The following SRRM3 variants were observed in gnomAD, a reference collection of about 807,000 sequenced individuals.
SRRM3 encodes serine/arginine repetitive matrix 3, also known as serine/arginine repetitive matrix protein 3.
Under a neutral mutation model 66.2 loss-of-function variants are expected in SRRM3, and 27 were observed. That is an observed-to-expected ratio of 0.41 (90% CI 0.30 to 0.56). The LOEUF is 0.56. Ranked by LOEUF, SRRM3 falls within the 20% of genes least tolerant of loss-of-function variation. SRRM3 has a pLI of 0.32. For missense variants in SRRM3, 918 were observed against 991.9 expected, an observed-to-expected ratio of 0.93 and a Z score of 1.00; for synonymous variants, 391 against 414.9, an observed-to-expected ratio of 0.94 and a Z score of 0.70.
chr7:76,239,378 T>C (rs782342898), intron 2 of SRRM3, among the ~76,000 whole-genome samples: 2 of 152,066 alleles, frequency 1.3e-5, no homozygotes, highest in African/African-American at 2.4e-5. Flanking sequence ...CCTGTTCTGT[T>C]TGCTCATCTA....
chr7:76,280,993 C>T (rs1252216445), intron 11 of SRRM3, among the ~76,000 whole-genome samples: 1 of 139,538 alleles, frequency 7.2e-6, no homozygotes, highest in African/African-American at 2.7e-5. Context: ...CCCCTTCTCT[C>T]TTGCCCCCTT....
At chr7:76,263,734 G>A (rs68133851) in intron 8 of SRRM3, among the ~76,000 whole-genome samples, 37,496 of 151,696 alleles carry the variant, frequency 0.25, 4,960 homozygotes, top group East Asian at 0.45. Context: ...ATAGCCAGAC[G>A]TGGTGGCAGG....
chr7:76,281,107 GCT>G (rs1554611798), intron 11 of SRRM3, among the ~76,000 whole-genome samples: 3 of 144,250 alleles, frequency 2.1e-5, no homozygotes, highest in South Asian at 2.2e-4. Flanking sequence ...TCTCTCTCCT[GCT>G]CTTTTTCTCT....
At chr7:76,264,129 A>G (rs1801951333) in intron 8 of SRRM3, among the ~76,000 whole-genome samples, 1 of 147,482 alleles carries the variant, frequency 6.8e-6, no homozygotes, top group Non-Finnish European at 1.5e-5. Context: ...CTAAGGCTTG[A>G]GGCTGCCACA....
intron 1 of SRRM3, among the ~76,000 whole-genome samples, chr7:76,212,197 GT>G (rs1366536433): frequency 2.5e-5 from 3 of 120,150 alleles, no homozygotes; most frequent in Non-Finnish European, 4.9e-5. Context: ...GTCTCAAACT[GT>G]TACTCGGGTT....
intron 2 of SRRM3, among the ~76,000 whole-genome samples, chr7:76,244,260 C>T (rs1801381790): frequency 6.6e-6 from 1 of 152,182 alleles, no homozygotes; most frequent in South Asian, 2.1e-4. Flanking sequence ...CACAGTGGAA[C>T]ATGCCTGTAA....
At chr7:76,233,415 G>A (rs920067249) in intron 1 of SRRM3, among the ~76,000 whole-genome samples, 2 of 152,180 alleles carry the variant, frequency 1.3e-5, no homozygotes, top group African/African-American at 4.8e-5. Context: ...CATGTCCCTG[G>A]CTCAGATGAC....
intron 1 of SRRM3, among the ~76,000 whole-genome samples, chr7:76,223,293 A>T (rs782458448): frequency 2.0e-5 from 3 of 152,178 alleles, no homozygotes; most frequent in Non-Finnish European, 4.4e-5. Context: ...GCTCTTGGGC[A>T]GTGAGCACAG....
intron 3 of SRRM3, among the ~76,000 whole-genome samples, chr7:76,256,150 C>T (rs561671709): frequency 2.0e-5 from 3 of 152,230 alleles, no homozygotes; most frequent in Admixed American, 1.3e-4. Flanking sequence ...TCAAGAAAGA[C>T]TTCAGAGGGA....
In SRRM3 at chr7:76,235,238, G is replaced by A. The variant is rs868920097; in HGVS notation, c.172G>A (p.Glu58Lys). ...CGCGCACCGCGAGATCCTGGACCAC[G>A]AGCGCAAGCGGCGGGTGGAGCTCAA... The part of the protein sequence containing the change: ...KRAHREILDH[E>K]RKRRVELKCM... The change falls in exon 2 of 15, where the codon GAG (glutamate) becomes AAG (lysine). Residue 58 changes from glutamate (E) to lysine (K), a missense_variant. Glu to Lys is a moderately conservative substitution (Grantham distance 56). Transcript: ENST00000611745. The A allele has an allele frequency of 1.3e-6, 2 of 1,555,176 alleles. No homozygotes were observed. The highest frequency in any genetic ancestry group is 2.4e-5 in the East Asian group (1 of 42,002).
intron 2 of SRRM3, among the ~76,000 whole-genome samples, chr7:76,246,061 T>A (rs907814579): frequency 1.6e-4 from 24 of 152,082 alleles, no homozygotes; most frequent in African/African-American, 5.6e-4. Context: ...CTCACCATGT[T>A]CTCTGTCCTA....
chr7:76,261,774 C>T (rs1361464003), intron 8 of SRRM3, among the ~76,000 whole-genome samples, 193 bp downstream of exon 8: 1 of 151,990 alleles, frequency 6.6e-6, no homozygotes, highest in African/African-American at 2.4e-5. Context: ...GCAACCCTTG[C>T]CTGCCCCATG....
chr7:76,246,276 T>C (rs1200006682), intron 2 of SRRM3, among the ~76,000 whole-genome samples: 2 of 152,030 alleles, frequency 1.3e-5, no homozygotes, highest in Admixed American at 1.3e-4. Context: ...AGAAAAGTTG[T>C]ATAGTGGCCG....
intron 11 of SRRM3, among the ~76,000 whole-genome samples, chr7:76,276,575 AG>A: frequency 6.6e-6 from 1 of 151,948 alleles, no homozygotes; most frequent in Middle Eastern, 3.2e-3. Flanking sequence ...AGGTGGGGAG[AG>A]GGGATCCCTG....
chr7:76,236,005 CA>C (rs1161706465), intron 2 of SRRM3, among the ~76,000 whole-genome samples: 1,238 of 20,202 alleles, frequency 0.061, 9 homozygotes, highest in African/African-American at 0.098. Flanking sequence ...GATTCTGTCT[CA>C]AAAAAAAAAA....
chr7:76,264,925 C>T (rs1801970554), intron 9 of SRRM3, 110 bp downstream of exon 9: 8 of 1,222,168 alleles, frequency 6.5e-6, no homozygotes, highest in South Asian at 1.5e-5. Flanking sequence ...TCATTTTGCC[C>T]AGATGGAAAA....
chr7:76,285,988 G>A lies in SRRM3; in HGVS notation c.*145G>A, dbSNP rs548484396. The stretch of plus-strand genomic sequence containing the variant: ...GGCCAGTGCACGGGCAGATGGGACC[G>A]GGGAAGACTTTGAGGGTGGGCATCC... On this transcript the variant is annotated 3_prime_UTR_variant, in exon 15 of 15. Coordinates refer to ENST00000611745, the MANE Select transcript of SRRM3 (RefSeq NM_001110199.3). This position sits in a 1 kb window ranked among gnomAD's most constrained non-coding sequence, Gnocchi z 4.1. 2.6e-4 allele frequency: 231 copies of A among 901,596 alleles called. No individual in the cohort carries two copies. In the African/African-American group the frequency reaches 3.3e-3, roughly 13 times the overall value. 55.8% of individuals were successfully genotyped at this position (901,596 alleles called of 1,614,324 possible).
At chr7:76,281,203 CTCTT>C (rs1802490895) in intron 11 of SRRM3, among the ~76,000 whole-genome samples, 1 of 151,114 alleles carries the variant, frequency 6.6e-6, no homozygotes, top group East Asian at 2.0e-4. Context: ...TCTCCTGTCT[CTCTT>C]CATTCTCTCT....
intron 1 of SRRM3, among the ~76,000 whole-genome samples, chr7:76,209,457 C>T (rs1554601500): frequency 2.6e-5 from 4 of 152,112 alleles, no homozygotes; most frequent in Non-Finnish European, 1.5e-5. Flanking sequence ...ATTGGCACTC[C>T]AGAGAGCATC....
Sources: gnomAD v4.1 joint callset for allele counts (sites outside exome capture counted in the v4.1 genomes callset) on GRCh38, gnomAD v4.1.1 for gene constraint, Gnocchi (gnomAD v3.1) non-coding constraint, MANE v1.5 for transcripts, NCBI Gene and HGNC (gene_info 2026-07-23, HGNC 2026-07-21) for gene names.